Variants in PLXNA4 observed in about 807,000 individuals in gnomAD.
PLXNA4 encodes the protein plexin A4.
A neutral mutation model predicts 191.8 loss-of-function variants in PLXNA4; 44 were observed. The ratio of observed to expected loss-of-function variants is 0.23; its 90% CI spans 0.18 to 0.29. PLXNA4 has a LOEUF of 0.29. PLXNA4 is among the 10% of genes least tolerant of loss of function. The probability of loss-of-function intolerance (pLI) is 1.00; values close to 1 mark genes in which losing one functional copy is unlikely to be tolerated. For missense variants in PLXNA4, 1,800 were observed against 2,488.8 expected, an observed-to-expected ratio of 0.72 and a Z score of 5.89; for synonymous variants, 1,082 against 1,009.5, an observed-to-expected ratio of 1.07 and a Z score of -1.36.
chr7:132,449,037 T>C (rs1206647969), intron 3 of PLXNA4, among the ~76,000 whole-genome samples: 2 of 142,882 alleles, frequency 1.4e-5, no homozygotes, highest in Non-Finnish European at 3.0e-5. Context: ...ATTGGATTGG[T>C]GGCAAACCAC....
At chr7:132,180,528 G>A in intron 19 of PLXNA4, 58 bp downstream of exon 19, 1 of 1,602,990 alleles carries the variant, frequency 6.2e-7, no homozygotes, top group Non-Finnish European at 8.5e-7. Flanking sequence ...GGTGGCCTGA[G>A]CTCACATCTG....
At chr7:132,612,663 C>CAAAAA (rs71529768) in intron 2 of PLXNA4, among the ~76,000 whole-genome samples, 4 of 68,404 alleles carry the variant, frequency 5.8e-5, no homozygotes, top group Admixed American at 1.6e-4. Flanking sequence ...GTCTCCATCT[C>CAAAAA]AAAAAAAAAA....
intron 3 of PLXNA4, among the ~76,000 whole-genome samples, chr7:132,468,991 C>T (rs4731869): frequency 0.047 from 7,176 of 151,384 alleles, 533 homozygotes; most frequent in East Asian, 0.29. Context: ...GCCTGGAGGG[C>T]GACCTGAGAT....
At chr7:132,168,641 G>A (rs984197498) in intron 21 of PLXNA4, 69 bp from the exon 22 acceptor site, 1 of 1,501,068 alleles carries the variant, frequency 6.7e-7, no homozygotes. Context: ...CCCACGGGAT[G>A]GCTGTGCCCA....
intron 1 of PLXNA4, among the ~76,000 whole-genome samples, chr7:132,544,426 G>T (rs1455888153): frequency 6.6e-6 from 1 of 152,196 alleles, no homozygotes; most frequent in African/African-American, 2.4e-5. Context: ...TCCCGTTTTG[G>T]GGAAGGAGAA....
chr7:132,296,688 C>G (rs1367293176), intron 4 of PLXNA4, among the ~76,000 whole-genome samples: 2 of 152,126 alleles, frequency 1.3e-5, no homozygotes. Flanking sequence ...TGAAGATCTT[C>G]TCCAGATGAT....
chr7:132,164,313 G>T, intron 23 of PLXNA4, 25 bp from the exon 24 acceptor site: 2 of 1,612,174 alleles, frequency 1.2e-6, no homozygotes, highest in Non-Finnish European at 1.7e-6. Context: ...AACGTCATTA[G>T]GAGGAGCTCT....
intron 3 of PLXNA4, among the ~76,000 whole-genome samples, chr7:132,455,830 G>A (rs1236875424): frequency 1.3e-5 from 2 of 152,198 alleles, no homozygotes; most frequent in Non-Finnish European, 2.9e-5. Context: ...CTGACTTACA[G>A]TCTCAGTCCC....
At chr7:132,647,642 TAC>T (rs1301293807) in intron 1 of PLXNA4, among the ~76,000 whole-genome samples, 2 of 151,060 alleles carry the variant, frequency 1.3e-5, no homozygotes, top group Non-Finnish European at 3.0e-5. Flanking sequence ...CATACACACA[TAC>T]ACACTCATAC....
chr7:132,444,463 C>A (rs1452212170), intron 3 of PLXNA4, among the ~76,000 whole-genome samples: 1 of 152,168 alleles, frequency 6.6e-6, no homozygotes, highest in Non-Finnish European at 1.5e-5. Flanking sequence ...CCACAATGGC[C>A]AGGCTGATCT....
intron 2 of PLXNA4, 73 bp from the exon 3 acceptor site, chr7:132,489,547 T>A: frequency 7.8e-7 from 1 of 1,277,962 alleles, no homozygotes; most frequent in Non-Finnish European, 1.1e-6. Context: ...GTCAGGAAAC[T>A]ATGGAGGTAG....
At chr7:132,184,963 C>G (rs60677458) in intron 16 of PLXNA4, among the ~76,000 whole-genome samples, 11,454 of 152,154 alleles carry the variant, frequency 0.075, 762 homozygotes, top group African/African-American at 0.18. Flanking sequence ...AGGATTAGCA[C>G]CTATGTCTAC....
At chr7:132,429,588 C>T (rs1268930679) in intron 3 of PLXNA4, among the ~76,000 whole-genome samples, 1 of 152,118 alleles carries the variant, frequency 6.6e-6, no homozygotes, top group African/African-American at 2.4e-5. Context: ...ATATATTGTT[C>T]TTTTGATTTT....
chr7:132,298,916 C>A (rs1424595), intron 3 of PLXNA4, among the ~76,000 whole-genome samples: 1 of 152,128 alleles, frequency 6.6e-6, no homozygotes, highest in African/African-American at 2.4e-5. Context: ...CCCGGCCATC[C>A]ATAAGTCCTT....
At chr7:132,557,470 A>T (rs530940562) in intron 1 of PLXNA4, among the ~76,000 whole-genome samples, 1 of 152,022 alleles carries the variant, frequency 6.6e-6, no homozygotes, top group Non-Finnish European at 1.5e-5. Flanking sequence ...GGACGTAAAG[A>T]TAGGCAATCA....
intron 3 of PLXNA4, among the ~76,000 whole-genome samples, chr7:132,346,663 C>A (rs1332125879): frequency 1.8e-4 from 27 of 152,166 alleles, no homozygotes; most frequent in Admixed American, 1.8e-3. Context: ...CCCATCTGCC[C>A]ACTGTAGCAG....
intron 10 of PLXNA4, among the ~76,000 whole-genome samples, chr7:132,205,282 C>T (rs753998114): frequency 2.6e-5 from 4 of 152,206 alleles, no homozygotes; most frequent in Non-Finnish European, 4.4e-5. Context: ...CAGAATCACC[C>T]GGGGGGCCTA....
chr7:132,236,644 T>C (rs1798710880), intron 5 of PLXNA4, among the ~76,000 whole-genome samples: 1 of 152,154 alleles, frequency 6.6e-6, no homozygotes, highest in Non-Finnish European at 1.5e-5. Context: ...TTCATATCAC[T>C]GAGCCTGGCA....
At chr7:132,562,612 TC>T (rs1442893844) in intron 1 of PLXNA4, among the ~76,000 whole-genome samples, 1 of 117,492 alleles carries the variant, frequency 8.5e-6, no homozygotes, top group Non-Finnish European at 1.7e-5. Context: ...CTCCTCCTTC[TC>T]CTCCTCTTCC....
Sources: gnomAD v4.1 joint callset for allele counts (sites outside exome capture counted in the v4.1 genomes callset) on GRCh38, gnomAD v4.1.1 for gene constraint, MANE v1.5 for transcripts, NCBI Gene and HGNC (gene_info 2026-07-23, HGNC 2026-07-21) for gene names.